The following GRM7 variants were observed in gnomAD, a reference collection of about 807,000 sequenced individuals.
The protein encoded by GRM7 is metabotropic glutamate receptor 7.
Under a neutral mutation model 84.5 loss-of-function variants are expected in GRM7, and 35 were observed. The ratio of observed to expected loss-of-function variants is 0.41; its 90% CI spans 0.32 to 0.55. The LOEUF (loss-of-function observed/expected upper bound fraction) is 0.55, where lower values mean the gene tolerates loss of function less well. Ranked by LOEUF, GRM7 falls within the 20% of genes least tolerant of loss-of-function variation. The pLI is 0.19. For missense variants in GRM7, 1,003 were observed against 1,194.6 expected (o/e 0.84, Z 2.36); for synonymous variants, 487 against 455.1 (o/e 1.07, Z -0.89).
intron 7 of GRM7, among the ~76,000 whole-genome samples, chr3:7,471,794 G>T (rs1698713180): frequency 6.6e-6 from 1 of 152,132 alleles, no homozygotes; most frequent in African/African-American, 2.4e-5. Flanking sequence ...GGATTATTTT[G>T]CCTACCATAG....
At chr3:6,866,195 T>A (rs546778657) in intron 1 of GRM7, among the ~76,000 whole-genome samples, 16 of 152,202 alleles carry the variant, frequency 1.1e-4, no homozygotes, top group Non-Finnish European at 2.4e-4. Flanking sequence ...AGTGCTATAT[T>A]TCTTACATAT....
chr3:7,370,318 C>T (rs966428114), intron 4 of GRM7, among the ~76,000 whole-genome samples: 9 of 152,064 alleles, frequency 5.9e-5, no homozygotes, highest in Non-Finnish European at 1.0e-4. Flanking sequence ...TCCATGTACC[C>T]CACAGGCTTG....
chr3:7,545,184 T>C (rs1673380362), intron 7 of GRM7, among the ~76,000 whole-genome samples: 1 of 152,242 alleles, frequency 6.6e-6, no homozygotes, highest in South Asian at 2.1e-4. Context: ...CTGAAACTTG[T>C]CAAAACCTTT....
intron 1 of GRM7, among the ~76,000 whole-genome samples, chr3:7,029,301 C>CAA (rs57622634): frequency 0.01 from 560 of 55,080 alleles, 13 homozygotes; most frequent in African/African-American, 0.021. Context: ...GACTCTGCCT[C>CAA]AAAAAAAAAA....
At chr3:7,249,040 G>A (rs530882357) in intron 2 of GRM7, among the ~76,000 whole-genome samples, 1 of 152,170 alleles carries the variant, frequency 6.6e-6, no homozygotes, top group African/African-American at 2.4e-5. Context: ...ATTAACTCGA[G>A]GACTTTACCC....
Position 7,452,806 on chromosome 3 carries a change from T to C in GRM7, c.1374T>C (p.Asn458=), listed in dbSNP as rs1559333060. The change falls in exon 6 of 10, where the codon AAT becomes AAC. Residue 458 remains asparagine (N), a splice_region_variant and synonymous_variant. Transcript: ENST00000357716. ...AGTATATACGCAATGTTAATTTCAA[T>C]GGTGAGTCTCCAAAAATCCATCCTT... The part of the protein sequence containing the change: ...LLKYIRNVNF[N]GSAGTPVMFN... 1 of 1,598,562 alleles carries C rather than the reference T, an allele frequency of 6.3e-7. No individual in the cohort carries two copies. The highest frequency in any genetic ancestry group is 1.1e-5 in the South Asian group (1 of 90,550).
At chr3:7,421,796 C>T (rs1019513570) in intron 5 of GRM7, among the ~76,000 whole-genome samples, 1 of 151,448 alleles carries the variant, frequency 6.6e-6, no homozygotes, top group South Asian at 2.1e-4. Flanking sequence ...AGCCTAGGAG[C>T]TCTTCAGTTT....
chr3:7,291,951 G>C (rs1699645487), intron 2 of GRM7, among the ~76,000 whole-genome samples: 1 of 152,150 alleles, frequency 6.6e-6, no homozygotes, highest in Admixed American at 6.5e-5. Context: ...CAGGAGATCT[G>C]ATGGTTTTTA....
chr3:7,020,383 G>T (rs1394464776), intron 1 of GRM7, among the ~76,000 whole-genome samples: 1 of 152,156 alleles, frequency 6.6e-6, no homozygotes, highest in Non-Finnish European at 1.5e-5. Context: ...AGAACATGGG[G>T]GGATTTTTAT....
At chr3:7,092,065 GT>G (rs1314112325) in intron 1 of GRM7, among the ~76,000 whole-genome samples, 1 of 152,056 alleles carries the variant, frequency 6.6e-6, no homozygotes. Flanking sequence ...CTGGAGTGAA[GT>G]GGCGTGATCT....
intron 2 of GRM7, among the ~76,000 whole-genome samples, chr3:7,158,983 T>C (rs1559476297): frequency 6.6e-6 from 1 of 152,206 alleles, no homozygotes; most frequent in Non-Finnish European, 1.5e-5. Context: ...TTTCTTGTTG[T>C]CAGTTCTGTT....
At chr3:7,187,789 A>G (rs1218286396) in intron 2 of GRM7, among the ~76,000 whole-genome samples, 1 of 152,158 alleles carries the variant, frequency 6.6e-6, no homozygotes, top group Non-Finnish European at 1.5e-5. Flanking sequence ...TGTCATGGCA[A>G]TGGTAAACTG....
chr3:7,041,903 A>G (rs924457172), intron 1 of GRM7, among the ~76,000 whole-genome samples: 3 of 152,218 alleles, frequency 2.0e-5, no homozygotes, highest in Non-Finnish European at 4.4e-5. Flanking sequence ...TTCATTATCA[A>G]TGGCCAATGA....
intron 5 of GRM7, among the ~76,000 whole-genome samples, chr3:7,434,755 T>C (rs1696973733): frequency 6.6e-6 from 1 of 152,144 alleles, no homozygotes; most frequent in Non-Finnish European, 1.5e-5. Flanking sequence ...AGTTTTCTTC[T>C]CTGGTAGTGT....
intron 7 of GRM7, among the ~76,000 whole-genome samples, chr3:7,560,722 T>C (rs1413195171): frequency 6.6e-6 from 1 of 152,180 alleles, no homozygotes; most frequent in Non-Finnish European, 1.5e-5. Flanking sequence ...CCCATGCTCA[T>C]GTTTTCACCT....
chr3:7,554,744 C>T (rs1031230365), intron 7 of GRM7, among the ~76,000 whole-genome samples: 3 of 152,166 alleles, frequency 2.0e-5, no homozygotes, highest in African/African-American at 7.2e-5. Context: ...ATTTTGAGGG[C>T]CTCCTCCCTT....
chr3:7,028,495 A>G (rs1696059954), intron 1 of GRM7, among the ~76,000 whole-genome samples: 1 of 152,220 alleles, frequency 6.6e-6, no homozygotes, highest in Non-Finnish European at 1.5e-5. Flanking sequence ...AGGAAGTCTG[A>G]ACTCACTTCT....
intron 4 of GRM7, among the ~76,000 whole-genome samples, chr3:7,308,141 T>C (rs968203688): frequency 1.3e-5 from 2 of 152,190 alleles, no homozygotes; most frequent in African/African-American, 4.8e-5. Flanking sequence ...CTTCTTAAAA[T>C]CCTTCCAGTT....
chr3:6,925,717 A>G (rs187943607), intron 1 of GRM7, among the ~76,000 whole-genome samples: 101 of 152,312 alleles, frequency 6.6e-4, no homozygotes, highest in African/African-American at 2.2e-3. Context: ...ATAAATAGCT[A>G]TAGCTGCTAT....
Sources: gnomAD v4.1 joint callset for allele counts (sites outside exome capture counted in the v4.1 genomes callset) on GRCh38, gnomAD v4.1.1 for gene constraint, MANE v1.5 for transcripts, NCBI Gene and HGNC (gene_info 2026-07-23, HGNC 2026-07-21) for gene names.